Variants in STARD8 observed in about 807,000 individuals in gnomAD.
STARD8 encodes the protein StAR related lipid transfer domain containing 8.
Under a neutral mutation model 69.4 loss-of-function variants are expected in STARD8, and 25 were observed. The ratio of observed to expected loss-of-function variants is 0.36; its 90% CI spans 0.26 to 0.50. The LOEUF (loss-of-function observed/expected upper bound fraction) is 0.50, where lower values mean the gene tolerates loss of function less well. STARD8 is among the 20% of genes least tolerant of loss of function. STARD8 has a pLI of 0.96. For missense variants in STARD8, 921 were observed against 932.5 expected, an observed-to-expected ratio of 0.99 and a Z score of 0.16; for synonymous variants, 389 against 374.6, an observed-to-expected ratio of 1.04 and a Z score of -0.45.
At chrX:68,715,461 A>C in intron 4 of STARD8, 86 bp downstream of exon 4, 3 of 767,651 alleles carry the variant, frequency 3.9e-6, no homozygotes, top group Non-Finnish European at 5.5e-6. Flanking sequence ...GTACCCTCTA[A>C]CAGAGGAGGA....
At chrX:68,691,374 C>T (rs1474053156) in intron 2 of STARD8, among the ~76,000 whole-genome samples, 1 of 111,625 alleles carries the variant, frequency 9.0e-6, no homozygotes, top group Non-Finnish European at 1.9e-5. Flanking sequence ...TGAAAAGATA[C>T]TCTTTCTCAT....
At chrX:68,661,358 CTCTGGCTT>C (rs1212368409) in intron 1 of STARD8, among the ~76,000 whole-genome samples, 2 of 112,147 alleles carry the variant, frequency 1.8e-5, no homozygotes, top group African/African-American at 6.5e-5. Context: ...CTCCTTTTGG[CTCTGGCTT>C]TCGCATTTGC....
Position 68,717,869 on chromosome X carries a change from C to T in STARD8, c.955C>T (p.Leu319=), listed in dbSNP as rs1239571580. The T allele has an allele frequency of 7.4e-6, 9 of 1,208,562 alleles. No individual in the cohort carries two copies. In the South Asian group the frequency reaches 1.6e-4, roughly 21 times the overall value. The change falls in exon 6 of 15, where the codon CTG becomes TTG. Residue 319 remains leucine, a synonymous_variant. Transcript: ENST00000374599. The part of the protein sequence containing the change: ...TFPRSLSIES[L]CPEDGHRLAD... The stretch of plus-strand genomic sequence containing the variant: ...CCCTCGCTCCCTGTCCATTGAGAGC[C>T]TGTGTCCTGAGGATGGACACCGCCT...
intron 2 of STARD8, among the ~76,000 whole-genome samples, chrX:68,695,045 T>C (rs904790535): frequency 9.0e-6 from 1 of 111,120 alleles, no homozygotes; most frequent in African/African-American, 3.3e-5. Context: ...TGACTCCTCC[T>C]GTGCGACCTG....
intron 1 of STARD8, among the ~76,000 whole-genome samples, chrX:68,651,114 G>T (rs776670498): frequency 3.4e-4 from 38 of 112,611 alleles, no homozygotes; most frequent in African/African-American, 1.2e-3. Context: ...ACACACATAT[G>T]CATGCATGCA....
At chrX:68,723,337 C>T (rs2080167958) in intron 12 of STARD8, among the ~76,000 whole-genome samples, 1 of 112,879 alleles carries the variant, frequency 8.9e-6, no homozygotes, top group South Asian at 3.6e-4. Context: ...CATCTTCCTG[C>T]ACCTCCAAGC....
intron 2 of STARD8, among the ~76,000 whole-genome samples, chrX:68,712,033 G>A (rs778265087): frequency 2.7e-5 from 3 of 112,698 alleles, no homozygotes; most frequent in African/African-American, 9.7e-5. Context: ...GACTAGGAGC[G>A]CCTCCTCTGT....
intron 2 of STARD8, among the ~76,000 whole-genome samples, chrX:68,688,616 C>G (rs1423613602): frequency 8.9e-6 from 1 of 112,010 alleles, no homozygotes; most frequent in East Asian, 2.8e-4. Context: ...GGATCCCAGA[C>G]AAGGAGGTAG....
intron 2 of STARD8, among the ~76,000 whole-genome samples, chrX:68,712,084 G>T (rs1031471166): frequency 1.8e-5 from 2 of 112,597 alleles, no homozygotes; most frequent in African/African-American, 6.5e-5. Flanking sequence ...TGCTGGCAGG[G>T]GTGCTCAGCT....
chrX:68,702,117 C>T (rs1380646392), intron 2 of STARD8, among the ~76,000 whole-genome samples: 2 of 112,467 alleles, frequency 1.8e-5, no homozygotes, highest in African/African-American at 3.2e-5. Flanking sequence ...TAGCCTGTCT[C>T]CCTGAGAAGG....
chrX:68,706,307 G>A (rs899105057), intron 2 of STARD8, among the ~76,000 whole-genome samples: 3 of 112,033 alleles, frequency 2.7e-5, no homozygotes, highest in Non-Finnish European at 3.8e-5. Flanking sequence ...TTTTGGTCCT[G>A]TCTCCTTTCC....
chrX:68,708,763 T>C (rs1569367700), intron 2 of STARD8, among the ~76,000 whole-genome samples: 1 of 112,581 alleles, frequency 8.9e-6, no homozygotes, highest in Non-Finnish European at 1.9e-5. Context: ...CTGCAGAATA[T>C]AGCCTTTAAA....
At chrX:68,661,945 CCTCTCTCT>C (rs748990661) in intron 1 of STARD8, among the ~76,000 whole-genome samples, 13 of 72,343 alleles carry the variant, frequency 1.8e-4, no homozygotes, top group African/African-American at 3.3e-4. Flanking sequence ...CTCCCTCCTT[CCTCTCTCT>C]CTCTCTCTCT....
intron 2 of STARD8, among the ~76,000 whole-genome samples, chrX:68,688,057 T>C (rs1438508674): frequency 8.9e-6 from 1 of 112,474 alleles, no homozygotes; most frequent in Non-Finnish European, 1.9e-5. Flanking sequence ...TGCATGTGTG[T>C]GGGGAAGTTC....
Position 68,723,831 on chromosome X carries a change from T to C in STARD8, c.3005T>C (p.Phe1002Ser). 7.5e-6 allele frequency: 9 copies of C among 1,197,645 alleles called. No homozygotes were observed. The highest frequency in any genetic ancestry group is 1.0e-5 in the Non-Finnish European group (9 of 888,248). Residue 1002 changes from phenylalanine to serine, a missense_variant, in exon 13 of 15, where the codon TTT becomes TCT. By Grantham distance (155) the Phe-to-Ser change is radical. Coordinates refer to ENST00000374599, the MANE Select transcript of STARD8 (RefSeq NM_001142503.3). ...DSMAPHPCRD[F>S]VVLRMWRSDL... Reference sequence around the variant, plus strand: ...ATGGCACCCCATCCCTGCCGCGACTTTGTGGTGCTTCGGTGAGGGGCTGCA... The same window carrying C: ...ATGGCACCCCATCCCTGCCGCGACTCTGTGGTGCTTCGGTGAGGGGCTGCA...
intron 2 of STARD8, among the ~76,000 whole-genome samples, chrX:68,677,060 G>A (rs2147890142): frequency 9.0e-6 from 1 of 111,011 alleles, no homozygotes; most frequent in Admixed American, 9.6e-5. Context: ...GTGGGAGGAT[G>A]GCTTGAGCCT....
At position 68,653,878 on chromosome X, in the gene STARD8, T is replaced by C. The variant is rs991772232; in HGVS notation, c.45+5951T>C. The stretch of plus-strand genomic sequence containing the variant: ...CCTTCCAGCACTTAGCATGGTGTTA[T>C]GCACATAAGGGGTGCCCGGAACACA... On this transcript the variant is annotated intron_variant, in intron 1 of 14. Coordinates refer to ENST00000374599, the MANE Select transcript of STARD8 (RefSeq NM_001142503.3). 2.7e-5 allele frequency among the ~76,000 whole-genome samples: 3 copies of C among 112,007 alleles called. No individual in the cohort carries two copies. In the Admixed American group the frequency reaches 2.8e-4, roughly 11 times the overall value.
In STARD8 at chrX:68,725,555, A is replaced by AATAT. The variant is rs771897636; in HGVS notation, c.*1154_*1157dup. 3,933 of 93,418 alleles carry AATAT rather than the reference A, an allele frequency of 0.042. 109 individuals are homozygous for AATAT. The highest frequency in any genetic ancestry group is 0.079 in the African/African-American group (1,879 of 23,879). 7.7% of individuals were successfully genotyped at this position (93,418 alleles called of 1,213,427 possible). A position where few individuals can be genotyped will look rare whatever the true frequency, so the allele number is the denominator to read the frequency against. On this transcript the variant is annotated 3_prime_UTR_variant, in exon 15 of 15. Transcript: ENST00000374599. ...TTGTACCTGTAAATACTGTACAGCT[A>AATAT]ATATATATATATATATATATATATG...
intron 2 of STARD8, among the ~76,000 whole-genome samples, chrX:68,702,446 T>C (rs1032703678): frequency 8.9e-6 from 1 of 112,210 alleles, no homozygotes; most frequent in African/African-American, 3.2e-5. Flanking sequence ...GAGGAGTTCT[T>C]GTGGGGACCA....
Sources: allele counts gnomAD v4.1 joint callset (sites outside exome capture counted in the v4.1 genomes callset), GRCh38; gene constraint gnomAD v4.1.1; transcripts MANE v1.5; gene names NCBI Gene and HGNC (gene_info 2026-07-23, HGNC 2026-07-21).